PLEKHM3: variants seen among roughly 807,000 people sequenced by gnomAD.
The protein encoded by PLEKHM3 is pleckstrin homology domain-containing family M member 3.
A neutral mutation model predicts 81.8 loss-of-function variants in PLEKHM3; 45 were observed. The observed-to-expected ratio is 0.55, with a 90% CI of 0.43 to 0.71. The LOEUF is 0.71. PLEKHM3 is among the 30% of genes least tolerant of loss of function. The pLI is 0.00. For missense variants in PLEKHM3, 788 were observed against 924.3 expected (o/e 0.85, Z 1.91); for synonymous variants, 352 against 356.4 (o/e 0.99, Z 0.14).
chr2:207,985,134 C>T lies in PLEKHM3; in HGVS notation c.611-7548G>A, dbSNP rs1263703913. Reference sequence around the variant, plus strand: ...CACACAGTGCTGCCACTCTTAACTCCACCATCTTTCCATCAGCTGACCAAA... The same window carrying T: ...CACACAGTGCTGCCACTCTTAACTCTACCATCTTTCCATCAGCTGACCAAA... On this transcript the variant is annotated intron_variant, in intron 2 of 7. Coordinates refer to ENST00000427836, the MANE Select transcript of PLEKHM3 (RefSeq NM_001080475.3). Among the ~76,000 whole-genome samples the T allele has an allele frequency of 3.3e-5, 5 of 151,930 alleles. No individual in the cohort carries two copies. In the South Asian group the frequency reaches 8.3e-4, roughly 25 times the overall value.
chr2:207,997,033 G>A (rs915313820), intron 2 of PLEKHM3, among the ~76,000 whole-genome samples: 1 of 151,932 alleles, frequency 6.6e-6, no homozygotes, highest in African/African-American at 2.4e-5. Context: ...TACAATGCGG[G>A]TACAGAGTGA....
intron 5 of PLEKHM3, among the ~76,000 whole-genome samples, chr2:207,910,715 C>CGA (rs1688784277): frequency 6.6e-6 from 1 of 152,074 alleles, no homozygotes; most frequent in African/African-American, 2.4e-5. Flanking sequence ...AGGCCGGTAG[C>CGA]AGTATAGAGC....
chr2:207,902,118 G>A (rs1354229892), intron 6 of PLEKHM3, among the ~76,000 whole-genome samples: 1 of 152,150 alleles, frequency 6.6e-6, no homozygotes, highest in Admixed American at 6.5e-5. Flanking sequence ...CTCGGTTGTG[G>A]GCACTGAGGC....
chr2:207,886,117 C>G (rs1292133689), intron 6 of PLEKHM3, among the ~76,000 whole-genome samples: 2 of 151,356 alleles, frequency 1.3e-5, no homozygotes, highest in Non-Finnish European at 2.9e-5. Flanking sequence ...CAATATTTCA[C>G]AAAAAAAGGG....
chr2:207,996,077 A>G (rs76602944), intron 2 of PLEKHM3, among the ~76,000 whole-genome samples: 13,766 of 152,298 alleles, frequency 0.09, 872 homozygotes, highest in Non-Finnish European at 0.13. Flanking sequence ...AATTGTGCCT[A>G]TGCAACTCAG....
At position 207,859,892 on chromosome 2, in the gene PLEKHM3, C is replaced by T. The variant is rs139863737; in HGVS notation, c.2108+1213G>A. ...GATTACAGGCGTGAGCCACCGCACCCAGCCTGGTGTACATTTTTTAGAGGT... is the reference window on the plus strand; with the variant it reads ...GATTACAGGCGTGAGCCACCGCACCTAGCCTGGTGTACATTTTTTAGAGGT... On this transcript the variant is annotated intron_variant, in intron 7 of 7. Coordinates refer to ENST00000427836, the MANE Select transcript of PLEKHM3 (RefSeq NM_001080475.3). Among the ~76,000 whole-genome samples the T allele has an allele frequency of 1.5e-3, 225 of 152,270 alleles. 1 individual carries two copies. Among genetic ancestry groups the T allele is most frequent in the Non-Finnish European group, 2.8e-3 (191 of 68,012 alleles).
intron 3 of PLEKHM3, among the ~76,000 whole-genome samples, chr2:207,956,375 A>G (rs1690507708): frequency 6.6e-6 from 1 of 151,974 alleles, no homozygotes; most frequent in South Asian, 2.1e-4. Context: ...TGGGAGGCTG[A>G]GGCAGGAGAA....
chr2:207,896,986 G>A (rs752763060), intron 6 of PLEKHM3, among the ~76,000 whole-genome samples: 4 of 152,204 alleles, frequency 2.6e-5, no homozygotes, highest in African/African-American at 7.2e-5. Context: ...CAAGAAACAA[G>A]TGGCAAGATT....
intron 3 of PLEKHM3, among the ~76,000 whole-genome samples, chr2:207,956,617 C>CTCAT (rs1690518179): frequency 6.6e-6 from 1 of 151,512 alleles, no homozygotes; most frequent in Non-Finnish European, 1.5e-5. Flanking sequence ...ACAATCATGG[C>CTCAT]TCATTGCAGC....
At chr2:207,987,832 C>G (rs906282633) in intron 2 of PLEKHM3, among the ~76,000 whole-genome samples, 1 of 152,162 alleles carries the variant, frequency 6.6e-6, no homozygotes, top group African/African-American at 2.4e-5. Flanking sequence ...ACTCTTCCAC[C>G]TTACCCCTTA....
At position 207,925,600 on chromosome 2, in the gene PLEKHM3, G is replaced by A. The variant is rs576457419; in HGVS notation, c.1886+5326C>T. Reference sequence around the variant, plus strand: ...CAGAAATGAGCTCTGAGCTCAGGCCGTCCAACTTAACGCAGAGTTTATAAT... The same window carrying A: ...CAGAAATGAGCTCTGAGCTCAGGCCATCCAACTTAACGCAGAGTTTATAAT... On this transcript the variant is annotated intron_variant, in intron 5 of 7. Transcript: ENST00000427836. Among the ~76,000 whole-genome samples, 113 of 152,268 alleles carry A rather than the reference G, an allele frequency of 7.4e-4. 1 individual carries two copies. The highest frequency in any genetic ancestry group is 1.4e-3 in the Non-Finnish European group (96 of 68,018).
intron 2 of PLEKHM3, among the ~76,000 whole-genome samples, chr2:207,998,099 TG>T (rs201985835): frequency 0.053 from 8,133 of 152,164 alleles, 678 homozygotes; most frequent in African/African-American, 0.18. Flanking sequence ...CTTCAACTGA[TG>T]GGCAATAGGA....
chr2:207,846,254 G>A (rs1559205063), intron 7 of PLEKHM3, among the ~76,000 whole-genome samples: 3 of 152,036 alleles, frequency 2.0e-5, no homozygotes. Flanking sequence ...GCAGTTCTCT[G>A]CCTCAGCCTC....
At chr2:207,880,917 T>C (rs1322057140) in intron 6 of PLEKHM3, among the ~76,000 whole-genome samples, 2 of 150,844 alleles carry the variant, frequency 1.3e-5, no homozygotes, top group Non-Finnish European at 2.9e-5. Context: ...TTAATGACAA[T>C]GGTTATGCTC....
Position 207,825,807 on chromosome 2 carries a change from T to A in PLEKHM3, c.*2512A>T, listed in dbSNP as rs2092247382. 6.6e-6 allele frequency: 1 copy of A among 152,192 alleles called. No homozygotes were observed. The highest frequency in any genetic ancestry group is 6.5e-5 in the Admixed American group (1 of 15,278). 9.4% of individuals were successfully genotyped at this position (152,192 alleles called of 1,614,324 possible). A position where few individuals can be genotyped will look rare whatever the true frequency, so the allele number is the denominator to read the frequency against. On this transcript the variant is annotated 3_prime_UTR_variant, in exon 8 of 8. Transcript: ENST00000427836. ...CTGGGTAGCTGATGGTGATAACACATCGATTTTTTGTTTCCCTTTTGAAAA... is the reference window on the plus strand; with the variant it reads ...CTGGGTAGCTGATGGTGATAACACAACGATTTTTTGTTTCCCTTTTGAAAA...
chr2:207,874,444 C>G (rs1002793904), intron 6 of PLEKHM3, among the ~76,000 whole-genome samples: 1 of 151,908 alleles, frequency 6.6e-6, no homozygotes, highest in Non-Finnish European at 1.5e-5. Context: ...CGTGATGGCA[C>G]ACGCCTGTAA....
intron 1 of PLEKHM3, among the ~76,000 whole-genome samples, chr2:208,010,740 T>TA (rs1224296158): frequency 4.6e-5 from 7 of 152,192 alleles, no homozygotes; most frequent in African/African-American, 1.7e-4. Flanking sequence ...GAAGTAGACT[T>TA]AAAGATGTCA....
intron 7 of PLEKHM3, among the ~76,000 whole-genome samples, chr2:207,837,737 C>A (rs1297332366): frequency 2.3e-5 from 3 of 131,044 alleles, no homozygotes; most frequent in African/African-American, 8.9e-5. Flanking sequence ...CAGCTGTGAG[C>A]CACGGCGCCT....
chr2:207,906,397 T>C (rs1237952409), intron 6 of PLEKHM3, among the ~76,000 whole-genome samples: 1 of 152,188 alleles, frequency 6.6e-6, no homozygotes, highest in African/African-American at 2.4e-5. Flanking sequence ...TATGTGCAAA[T>C]AGGTTTCAAC....
Sources: allele counts gnomAD v4.1 joint callset (sites outside exome capture counted in the v4.1 genomes callset), GRCh38; gene constraint gnomAD v4.1.1; transcripts MANE v1.5; gene names NCBI Gene and HGNC (gene_info 2026-07-23, HGNC 2026-07-21).